ACSL3: variants seen among roughly 807,000 people sequenced by gnomAD.
ACSL3 encodes fatty acid CoA ligase Acsl3.
Under a neutral mutation model 84.7 loss-of-function variants are expected in ACSL3, and 34 were observed. The ratio of observed to expected loss-of-function variants is 0.40; its 90% confidence interval spans 0.31 to 0.53. The LOEUF (loss-of-function observed/expected upper bound fraction) is 0.53. Ranked by LOEUF, ACSL3 falls within the 20% of genes least tolerant of loss-of-function variation. The pLI, the probability that ACSL3 is intolerant of heterozygous loss-of-function variation, is 0.48. For missense variants in ACSL3, 680 were observed against 873.1 expected, an observed-to-expected ratio of 0.78 and a Z score of 2.79; for synonymous variants, 315 against 299.4, an observed-to-expected ratio of 1.05 and a Z score of -0.54.
Position 222,922,851 on chromosome 2 carries a change from C to T in ACSL3, c.1080+20C>T, listed in dbSNP as rs758266071. 3 of 1,612,682 alleles carry T rather than the reference C, an allele frequency of 1.9e-6. No individual in the cohort carries two copies. In the African/African-American group the frequency reaches 4.0e-5, roughly 22 times the overall value. On this transcript the variant is annotated intron_variant, in intron 9 of 16. Coordinates refer to ENST00000357430, the MANE Select transcript of ACSL3 (RefSeq NM_004457.5). Reference sequence around the variant, plus strand: ...GATCAGGTAAGTTCAGTGTCTGTGACTTGAAATACTAAAAAATCATAGTGA... The same window carrying T: ...GATCAGGTAAGTTCAGTGTCTGTGATTTGAAATACTAAAAAATCATAGTGA...
chr2:222,924,923 G>A lies in ACSL3; in HGVS notation c.1292+328G>A, dbSNP rs144321627. Among the ~76,000 whole-genome samples the A allele has an allele frequency of 7.7e-3, 1,172 of 152,078 alleles. 21 individuals are homozygous for A. Among genetic ancestry groups the A allele is most frequent in the African/African-American group, 0.026 (1,091 of 41,476 alleles). On this transcript the variant is annotated intron_variant, in intron 11 of 16. Coordinates refer to ENST00000357430, the MANE Select transcript of ACSL3 (RefSeq NM_004457.5). Reference sequence around the variant, plus strand: ...CGCCTGTAATCCCAGCTACTCAGGAGGCTGAGGCAGGAGAATGGTGCGAAC... The same window carrying A: ...CGCCTGTAATCCCAGCTACTCAGGAAGCTGAGGCAGGAGAATGGTGCGAAC...
chr2:222,941,471 C>CTTTTTTTTTTT (rs5838973), intron 16 of ACSL3, 26 bp from the exon 17 acceptor site: 1 of 1,379,958 alleles, frequency 7.2e-7, no homozygotes, highest in Non-Finnish European at 9.8e-7. Flanking sequence ...ACCTTTTCTT[C>CTTTTTTTTTTT]TTTTCTTTTT....
intron 14 of ACSL3, among the ~76,000 whole-genome samples, chr2:222,931,824 A>G (rs898173953): frequency 1.3e-5 from 2 of 152,138 alleles, no homozygotes; most frequent in Admixed American, 6.5e-5. Flanking sequence ...TGCAGCTGAA[A>G]TTAGAGCTGA....
Position 222,923,277 on chromosome 2 carries a change from A to G in ACSL3, c.1152+128A>G, listed in dbSNP as rs991817118. On this transcript the variant is annotated intron_variant, in intron 10 of 16. Transcript: ENST00000357430. ...AGGATTTATTCCTTATTGATTATAAATATTGCCTTAGGCGCTATGGGATTT... is the reference window on the plus strand; with the variant it reads ...AGGATTTATTCCTTATTGATTATAAGTATTGCCTTAGGCGCTATGGGATTT... The G allele has an allele frequency of 1.7e-5, 13 of 771,006 alleles. No homozygotes were observed. The African/African-American group carries it at 2.1e-4, about 12-fold the overall frequency. The allele number at this position is 771,006 out of a possible 1,614,324, so 47.8% of individuals were successfully genotyped here. A position where few individuals can be genotyped will look rare whatever the true frequency, so the allele number is the denominator to read the frequency against.
At chr2:222,897,913 AGAGGGAGAGGGG>A (rs1229470050) in intron 2 of ACSL3, among the ~76,000 whole-genome samples, 30 of 736 alleles carry the variant, frequency 0.041, 5 homozygotes, top group Middle Eastern at 1. Flanking sequence ...GAGACCGTGG[AGAGGGAGAGGGG>A]GAGGGGGAGG....
intron 16 of ACSL3, among the ~76,000 whole-genome samples, chr2:222,938,531 C>A (rs1258037268): frequency 6.6e-6 from 1 of 152,084 alleles, no homozygotes; most frequent in African/African-American, 2.4e-5. Flanking sequence ...ATGAGAGCTT[C>A]TTTGTATGTG....
chr2:222,884,439 G>A (rs76276734), intron 1 of ACSL3, among the ~76,000 whole-genome samples: 11,206 of 152,270 alleles, frequency 0.074, 498 homozygotes, highest in Middle Eastern at 0.13. Context: ...GTTCAAATCA[G>A]TGTTACTGGG....
chr2:222,916,539 A>T lies in ACSL3; in HGVS notation c.556+43A>T, dbSNP rs777070173. ...TCTTCTGGAAGAATGAACTTAACTG[A>T]TATTTATTGAAATACTTTACTCTGA... On this transcript the variant is annotated intron_variant, in intron 5 of 16. Transcript: ENST00000357430. 5 of 1,483,196 alleles carry T rather than the reference A, an allele frequency of 3.4e-6. No individual in the cohort carries two copies. In the South Asian group the frequency reaches 7.4e-5, roughly 22 times the overall value. The allele number at this position is 1,483,196 out of a possible 1,614,324, so 91.9% of individuals were successfully genotyped here. A position where few individuals can be genotyped will look rare whatever the true frequency, so the allele number is the denominator to read the frequency against.
At chr2:222,867,591 C>A (rs1695184466) in intron 1 of ACSL3, among the ~76,000 whole-genome samples, 1 of 152,144 alleles carries the variant, frequency 6.6e-6, no homozygotes. Flanking sequence ...AATTGAGTTT[C>A]AACTCAATTC....
rs1022639048 is a variant in ACSL3 at position 222,875,662 on chromosome 2, A to G, written c.-206-12168A>G. On this transcript the variant is annotated intron_variant, in intron 1 of 16. Transcript: ENST00000357430. ...TTCCTCTTTAATTGCATGACGTTAT[A>G]GCGCAGAAATGATCACATCTATGAA... Among the ~76,000 whole-genome samples the G allele has an allele frequency of 2.0e-5, 3 of 152,198 alleles. No individual in the cohort carries two copies. In the East Asian group the frequency reaches 5.8e-4, roughly 29 times the overall value.
At chr2:222,901,964 A>AAAAAAAATG (rs57522671) in intron 3 of ACSL3, among the ~76,000 whole-genome samples, 1,353 of 99,358 alleles carry the variant, frequency 0.014, 303 homozygotes, top group African/African-American at 0.042. Context: ...AAAAAAAAAA[A>AAAAAAAATG]GAACTCAAAT....
intron 3 of ACSL3, chr2:222,904,774 G>T: frequency 6.5e-6 from 1 of 154,652 alleles, no homozygotes. Context: ...AACTGAGGTT[G>T]CAAGTTTAAG....
At chr2:222,928,482 G>A (rs1455197224) in intron 12 of ACSL3, among the ~76,000 whole-genome samples, 1 of 152,190 alleles carries the variant, frequency 6.6e-6, no homozygotes, top group Non-Finnish European at 1.5e-5. Context: ...GGGCCCTAAT[G>A]TAAGACAATG....
chr2:222,914,812 G>A (rs867274309), intron 4 of ACSL3, among the ~76,000 whole-genome samples: 18 of 152,206 alleles, frequency 1.2e-4, no homozygotes, highest in South Asian at 6.2e-4. Flanking sequence ...ATATAGAGTG[G>A]GTAGTGTCCT....
intron 1 of ACSL3, among the ~76,000 whole-genome samples, chr2:222,886,658 C>T (rs1185062764): frequency 1.3e-5 from 2 of 152,174 alleles, no homozygotes; most frequent in Non-Finnish European, 2.9e-5. Flanking sequence ...ACCACATATA[C>T]ATCTTAATAC....
At chr2:222,862,324 G>A (rs1695035997) in intron 1 of ACSL3, among the ~76,000 whole-genome samples, 1 of 152,182 alleles carries the variant, frequency 6.6e-6, no homozygotes. Flanking sequence ...CTGGGATTCA[G>A]ACAGGCCTGT....
chr2:222,902,018 T>C (rs774969681), intron 3 of ACSL3, among the ~76,000 whole-genome samples: 41 of 149,222 alleles, frequency 2.7e-4, no homozygotes, highest in Non-Finnish European at 4.9e-4. Flanking sequence ...ACCTCAGTGG[T>C]AAACACAATA....
intron 2 of ACSL3, among the ~76,000 whole-genome samples, chr2:222,899,680 AGTAAGAGGAGGAAC>A (rs1187743196): frequency 1.3e-5 from 2 of 152,136 alleles, no homozygotes; most frequent in African/African-American, 4.8e-5. Context: ...TGCTCCTGAA[AGTAAGAGGAGGAAC>A]GCGCCCACCC....
intron 4 of ACSL3, among the ~76,000 whole-genome samples, chr2:222,912,741 C>G (rs1485974653): frequency 6.6e-6 from 1 of 152,150 alleles, no homozygotes; most frequent in Admixed American, 6.5e-5. Context: ...ACCCTGCTCT[C>G]GTTGTGTCCA....
Sources: allele counts gnomAD v4.1 joint callset (sites outside exome capture counted in the v4.1 genomes callset), GRCh38; gene constraint gnomAD v4.1.1; transcripts MANE v1.5; gene names NCBI Gene and HGNC (gene_info 2026-07-23, HGNC 2026-07-21).